DSCAML1: variants seen among roughly 807,000 people sequenced by gnomAD.
DSCAML1 encodes DS cell adhesion molecule like 1, also known as cell adhesion molecule DSCAML1.
DSCAML1 carries 38 observed loss-of-function variants against 200.5 expected under a neutral mutation model. That is an observed-to-expected ratio of 0.19 (90% confidence interval 0.15 to 0.25). The LOEUF is 0.25. DSCAML1 is among the 10% of genes least tolerant of loss of function. The pLI, the probability that DSCAML1 is intolerant of heterozygous loss-of-function variation, is 1.00. For synonymous variants in DSCAML1, 1,215 were observed against 1,165.0 expected, an observed-to-expected ratio of 1.04 and a Z score of -0.87; for missense variants, 2,223 against 2,858.8, an observed-to-expected ratio of 0.78 and a Z score of 5.07.
chr11:117,693,755 C>T (rs1366254513), intron 3 of DSCAML1, among the ~76,000 whole-genome samples: 3 of 152,156 alleles, frequency 2.0e-5, no homozygotes, highest in African/African-American at 7.2e-5. Flanking sequence ...CAATCTAAGC[C>T]TCTCATATTA....
At chr11:117,474,757 CTT>C (rs1203423601) in intron 14 of DSCAML1, among the ~76,000 whole-genome samples, 40 of 141,242 alleles carry the variant, frequency 2.8e-4, no homozygotes, top group Admixed American at 3.6e-4. Flanking sequence ...TCCTTTTTTC[CTT>C]TTTTTTTTTT....
At chr11:117,624,346 T>C (rs894027458) in intron 3 of DSCAML1, among the ~76,000 whole-genome samples, 1 of 152,146 alleles carries the variant, frequency 6.6e-6, no homozygotes, top group Non-Finnish European at 1.5e-5. Flanking sequence ...ATTCCTGACC[T>C]TGTGGCTCTT....
chr11:117,428,973 G>C (rs989111849), intron 32 of DSCAML1, among the ~76,000 whole-genome samples, 170 bp from the exon 33 acceptor site: 5 of 152,192 alleles, frequency 3.3e-5, no homozygotes, highest in African/African-American at 9.6e-5. Flanking sequence ...TGGCCCTTCT[G>C]AGCCTTCGTT....
chr11:117,599,374 A>G (rs1160177677), intron 3 of DSCAML1, among the ~76,000 whole-genome samples: 2 of 152,212 alleles, frequency 1.3e-5, no homozygotes, highest in South Asian at 2.1e-4. Context: ...TCCTAATCAT[A>G]GTTTTCAGTG....
chr11:117,582,643 A>C (rs2051062783), intron 3 of DSCAML1, among the ~76,000 whole-genome samples: 1 of 152,162 alleles, frequency 6.6e-6, no homozygotes, highest in African/African-American at 2.4e-5. Context: ...CCAAGTGCAA[A>C]CCAGAGAGTG....
intron 3 of DSCAML1, among the ~76,000 whole-genome samples, chr11:117,547,420 C>G (rs562265247): frequency 6.6e-6 from 1 of 152,318 alleles, no homozygotes; most frequent in East Asian, 1.9e-4. Flanking sequence ...CAGCTGCCCG[C>G]CCTTGGCTCG....
rs1367031734 is a variant in DSCAML1, at chr11:117,473,413, C to T, written c.2786-1377G>A. Among the ~76,000 whole-genome samples the T allele has an allele frequency of 2.0e-5, 3 of 152,254 alleles. No individual in the cohort carries two copies. In the East Asian group the frequency reaches 5.8e-4, roughly 29 times the overall value. On this transcript the variant is annotated intron_variant, in intron 14 of 32. Coordinates refer to ENST00000651296, the MANE Select transcript of DSCAML1 (RefSeq NM_020693.4). ...TTGGGAGGCTGAGACAGGAGAATTG[C>T]TTGAACCCGGGAGGTGGAGGTTGCA... is the stretch of plus-strand genomic sequence containing the variant.
chr11:117,498,050 G>C lies in DSCAML1; in HGVS notation c.2359+5795C>G, dbSNP rs905896798. Among the ~76,000 whole-genome samples the C allele has an allele frequency of 2.0e-5, 3 of 152,242 alleles. No individual in the cohort carries two copies. The highest frequency in any genetic ancestry group is 2.0e-4 in the Admixed American group (3 of 15,290). ...GACTAGAGGTCCGTCAGCCAGTCCA[G>C]ATTCCAGAGTGGGCAAAGGCCTGTG... On this transcript the variant is annotated intron_variant, in intron 11 of 32. Transcript: ENST00000651296. This position sits in a 1 kb window ranked among gnomAD's most constrained non-coding sequence, Gnocchi z 4.0.
chr11:117,584,398 C>A (rs1364556390), intron 3 of DSCAML1, among the ~76,000 whole-genome samples: 6 of 152,186 alleles, frequency 3.9e-5, no homozygotes, highest in East Asian at 1.9e-4. Flanking sequence ...GAGGAAAAAA[C>A]CAATCCCAAA....
At chr11:117,816,737 C>T (rs2055811244) in intron 1 of DSCAML1, among the ~76,000 whole-genome samples, 1 of 148,416 alleles carries the variant, frequency 6.7e-6, no homozygotes, top group Admixed American at 7.0e-5. Flanking sequence ...AGTGGAGACG[C>T]TCAGTTCTTT....
At chr11:117,709,091 T>A (rs1470993666) in intron 3 of DSCAML1, among the ~76,000 whole-genome samples, 1 of 152,196 alleles carries the variant, frequency 6.6e-6, no homozygotes, top group African/African-American at 2.4e-5. Context: ...TAAACCTAAA[T>A]AAGGTGACTG....
chr11:117,659,528 T>C (rs2137640112), intron 3 of DSCAML1, among the ~76,000 whole-genome samples: 1 of 152,282 alleles, frequency 6.6e-6, no homozygotes. Flanking sequence ...TGCCAAGACA[T>C]TTTTATTGTT....
chr11:117,798,994 G>A (rs1040564149), upstream of DSCAML1, among the ~76,000 whole-genome samples: 3 of 152,154 alleles, frequency 2.0e-5, no homozygotes, highest in African/African-American at 7.2e-5. Context: ...GGGACAGACT[G>A]CAGGGGGTGT....
intron 3 of DSCAML1, among the ~76,000 whole-genome samples, chr11:117,710,850 G>T (rs973620312): frequency 6.6e-6 from 1 of 152,104 alleles, no homozygotes; most frequent in Non-Finnish European, 1.5e-5. Flanking sequence ...ATCTAACTGG[G>T]GAGACAGAAC....
At chr11:117,727,209 T>A (rs1019288884) in intron 3 of DSCAML1, among the ~76,000 whole-genome samples, 2 of 152,156 alleles carry the variant, frequency 1.3e-5, no homozygotes, top group Non-Finnish European at 2.9e-5. Flanking sequence ...TGAATCCTGG[T>A]TTGAGGTTGA....
intron 3 of DSCAML1, among the ~76,000 whole-genome samples, chr11:117,744,746 A>C (rs1353270980): frequency 1.3e-5 from 2 of 152,256 alleles, no homozygotes; most frequent in Non-Finnish European, 2.9e-5. Flanking sequence ...GGGACTCTCC[A>C]TCCAGCATGC....
chr11:117,816,805 GT>G (rs373200220), intron 1 of DSCAML1, among the ~76,000 whole-genome samples: 13 of 110,394 alleles, frequency 1.2e-4, no homozygotes, highest in South Asian at 3.6e-4. Flanking sequence ...TGCTGGGGGG[GT>G]GGGGTGGAGA....
intron 3 of DSCAML1, among the ~76,000 whole-genome samples, chr11:117,577,635 C>T (rs943846184): frequency 3.4e-5 from 5 of 148,682 alleles, no homozygotes; most frequent in African/African-American, 7.5e-5. Flanking sequence ...GGTGCAATCT[C>T]GTTTCACTGC....
chr11:117,781,523 A>G (rs769294194), intron 1 of DSCAML1, among the ~76,000 whole-genome samples: 14 of 152,194 alleles, frequency 9.2e-5, no homozygotes, highest in Non-Finnish European at 1.9e-4. Context: ...CTCGCCTGGA[A>G]TGGAAGACGG....
Sources: allele counts gnomAD v4.1 joint callset (sites outside exome capture counted in the v4.1 genomes callset), GRCh38; gene constraint gnomAD v4.1.1; non-coding constraint Gnocchi (gnomAD v3.1); transcripts MANE v1.5; gene names NCBI Gene and HGNC (gene_info 2026-07-23, HGNC 2026-07-21).